Variants in DAB1 observed in about 807,000 individuals in gnomAD.
DAB1 encodes DAB adaptor protein 1.
Under a neutral mutation model 64.6 loss-of-function variants are expected in DAB1, and 15 were observed. The ratio of observed to expected loss-of-function variants is 0.23; its 90% confidence interval spans 0.16 to 0.36. The LOEUF is 0.36. DAB1 is among the 10% of genes least tolerant of loss of function. The pLI, the probability that DAB1 is intolerant of heterozygous loss-of-function variation, is 1.00. For synonymous variants in DAB1, 235 were observed against 251.9 expected, an observed-to-expected ratio of 0.93 and a Z score of 0.64; for missense variants, 596 against 706.7, an observed-to-expected ratio of 0.84 and a Z score of 1.78.
At chr1:58,229,662 C>T (rs1225258570) in intron 4 of DAB1, among the ~76,000 whole-genome samples, 2 of 152,102 alleles carry the variant, frequency 1.3e-5, no homozygotes, top group African/African-American at 2.4e-5. Context: ...AAGGAGAGAA[C>T]GTACTTGCAG....
chr1:57,790,933 G>A (rs534721330), intron 6 of DAB1, among the ~76,000 whole-genome samples: 167 of 152,226 alleles, frequency 1.1e-3, no homozygotes, highest in Admixed American at 0.01. Context: ...TTTAAACATG[G>A]TAGATAGCTA....
chr1:57,814,789 G>A lies in DAB1; in HGVS notation n.551+69210C>T, dbSNP rs148171338. 1.4e-4 allele frequency among the ~76,000 whole-genome samples: 22 copies of A among 152,272 alleles called. No individual in the cohort carries two copies. The East Asian group carries it at 3.3e-3, about 23-fold the overall frequency. On this transcript the variant is annotated intron_variant and non_coding_transcript_variant, in intron 6 of 20. Transcript: ENST00000485760. ...GTGAGGTTTCCTTGAAGGACCACAT[G>A]GCTCAGGCACCAGGAGACTGTGTTT...
At chr1:57,235,509 G>A (rs1275813623) in intron 2 of DAB1, among the ~76,000 whole-genome samples, 6 of 152,156 alleles carry the variant, frequency 3.9e-5, no homozygotes, top group Non-Finnish European at 8.8e-5. Flanking sequence ...CGATTTAAAT[G>A]ATTGTGTAGC....
chr1:57,922,077 C>A (rs1557557754), intron 5 of DAB1, among the ~76,000 whole-genome samples: 1 of 152,184 alleles, frequency 6.6e-6, no homozygotes, highest in Non-Finnish European at 1.5e-5. Context: ...TACAAAATAG[C>A]ACCCCATTTC....
rs898170628 is a variant in DAB1 at position 57,611,273 on chromosome 1, C to CTA, written n.625+38318_625+38319insTA. Among the ~76,000 whole-genome samples the CTA allele has an allele frequency of 2.0e-4, 31 of 152,138 alleles. No individual in the cohort carries two copies. The Middle Eastern group carries it at 0.017, about 83-fold the overall frequency. Reference sequence around the variant, plus strand: ...ACTGCCCTGCTCAGCAGCAAGGTTCCTGCCTTCCCTTTTAGGTAACTCAGC... The same window carrying CTA: ...ACTGCCCTGCTCAGCAGCAAGGTTCCTATGCCTTCCCTTTTAGGTAACTCAGC... On this transcript the variant is annotated intron_variant and non_coding_transcript_variant, in intron 7 of 20. Transcript: ENST00000485760.
At chr1:57,195,262 G>C (rs981155230) in intron 2 of DAB1, among the ~76,000 whole-genome samples, 1 of 152,120 alleles carries the variant, frequency 6.6e-6, no homozygotes, top group African/African-American at 2.4e-5. Context: ...GGTTCAACAT[G>C]ATTTCCTGTC....
intron 4 of DAB1, among the ~76,000 whole-genome samples, chr1:58,340,388 T>C (rs1484910258): frequency 1.3e-5 from 2 of 152,162 alleles, no homozygotes; most frequent in East Asian, 3.8e-4. Flanking sequence ...AAAGAAGCCT[T>C]CAACTGAGAA....
intron 2 of DAB1, among the ~76,000 whole-genome samples, chr1:57,222,921 C>G (rs545048853): frequency 7.9e-5 from 12 of 152,156 alleles, no homozygotes; most frequent in Non-Finnish European, 1.6e-4. Flanking sequence ...TCATTAATAC[C>G]AGTGAATTGT....
chr1:58,177,840 G>T (rs77362397), intron 4 of DAB1, among the ~76,000 whole-genome samples: 2,619 of 152,156 alleles, frequency 0.017, 68 homozygotes, highest in South Asian at 0.1. Context: ...GGTGACCCAA[G>T]AATTAAATAA....
rs113512564 is a variant in DAB1, at chr1:57,486,969, A to G, written n.625+162623T>C. Among the ~76,000 whole-genome samples the G allele has an allele frequency of 8.0e-3, 1,214 of 151,960 alleles. 49 individuals are homozygous for G. The East Asian group carries it at 0.14, about 18-fold the overall frequency. On this transcript the variant is annotated intron_variant and non_coding_transcript_variant, in intron 7 of 20. Coordinates refer to the DAB1 transcript ENST00000485760. ...CAAAAATTAAAAATTAAAAAAAAAAAGAAAAAAAAACAACGACCTCGGCAT... is the reference window on the plus strand; with the variant it reads ...CAAAAATTAAAAATTAAAAAAAAAAGGAAAAAAAAACAACGACCTCGGCAT...
At chr1:57,710,381 T>A (rs1047737524) in intron 6 of DAB1, among the ~76,000 whole-genome samples, 4 of 152,226 alleles carry the variant, frequency 2.6e-5, no homozygotes, top group Non-Finnish European at 5.9e-5. Flanking sequence ...GATTCTGAGT[T>A]CTTAAAGAAA....
At chr1:57,196,930 A>G (rs79317454) in intron 2 of DAB1, among the ~76,000 whole-genome samples, 4,076 of 152,324 alleles carry the variant, frequency 0.027, 89 homozygotes, top group African/African-American at 0.061. Context: ...TTTACCATAC[A>G]TCAGGTACTT....
chr1:58,307,239 G>A (rs959663048), intron 4 of DAB1, among the ~76,000 whole-genome samples: 1 of 152,202 alleles, frequency 6.6e-6, no homozygotes, highest in African/African-American at 2.4e-5. Context: ...ATCTAGTTCT[G>A]TTCCATTAGT....
chr1:58,458,649 C>T (rs1185663000), intron 3 of DAB1, among the ~76,000 whole-genome samples: 2 of 152,244 alleles, frequency 1.3e-5, no homozygotes, highest in South Asian at 2.1e-4. Flanking sequence ...ACTAAAACTA[C>T]AAAAATTAGC....
At chr1:58,516,640 G>A (rs116370791) in intron 2 of DAB1, among the ~76,000 whole-genome samples, 118 of 152,228 alleles carry the variant, frequency 7.8e-4, no homozygotes, top group African/African-American at 2.8e-3. Flanking sequence ...AGAACCCTAG[G>A]GAAAGTGGGC....
At chr1:58,023,917 A>C (rs1013455225) in intron 5 of DAB1, among the ~76,000 whole-genome samples, 1 of 150,798 alleles carries the variant, frequency 6.6e-6, no homozygotes, top group Admixed American at 6.7e-5. Flanking sequence ...CAAAAGCTGG[A>C]CCTCCAAAGC....
At chr1:58,447,306 T>G (rs187928263) in intron 3 of DAB1, among the ~76,000 whole-genome samples, 142 of 152,334 alleles carry the variant, frequency 9.3e-4, no homozygotes, top group Non-Finnish European at 6.0e-4. Flanking sequence ...CATTTAAAGT[T>G]GTTTTGAAAC....
At chr1:58,189,915 G>C (rs992301897) in intron 4 of DAB1, among the ~76,000 whole-genome samples, 73 of 152,252 alleles carry the variant, frequency 4.8e-4, no homozygotes, top group African/African-American at 1.6e-3. Flanking sequence ...GACATGAAGT[G>C]GTAGCCAGCT....
intron 1 of DAB1, among the ~76,000 whole-genome samples, chr1:57,319,454 G>T (rs937597198): frequency 5.3e-5 from 8 of 152,092 alleles, no homozygotes; most frequent in African/African-American, 1.9e-4. Context: ...CGCCTGTTTA[G>T]GGTAAGGCAT....
Sources: allele counts gnomAD v4.1 joint callset (sites outside exome capture counted in the v4.1 genomes callset), GRCh38; gene constraint gnomAD v4.1.1; transcripts MANE v1.5; gene names NCBI Gene and HGNC (gene_info 2026-07-23, HGNC 2026-07-21).